Variants in DLG2 observed in about 807,000 individuals in gnomAD.
DLG2 encodes discs large MAGUK scaffold protein 2.
DLG2 carries 45 observed loss-of-function variants against 132.5 expected under a neutral mutation model. The ratio of observed to expected loss-of-function variants is 0.34; its 90% CI spans 0.27 to 0.44. DLG2 has a LOEUF of 0.44. DLG2 is among the 20% of genes least tolerant of loss of function. DLG2 has a pLI of 1.00. For missense variants in DLG2, 1,045 were observed against 1,196.9 expected, an observed-to-expected ratio of 0.87 and a Z score of 1.87; for synonymous variants, 424 against 419.6, an observed-to-expected ratio of 1.01 and a Z score of -0.13.
At chr11:84,964,090 A>G (rs1429821283) in intron 6 of DLG2, among the ~76,000 whole-genome samples, 1 of 152,128 alleles carries the variant, frequency 6.6e-6, no homozygotes, top group Non-Finnish European at 1.5e-5. Flanking sequence ...AAAAATAAGA[A>G]AAAACATTAA....
rs200059104 is a variant in DLG2 at position 85,588,688 on chromosome 11, AT to A, written c.40+9968del. On this transcript the variant is annotated intron_variant, in intron 3 of 27. Transcript: ENST00000376104. The stretch of plus-strand genomic sequence containing the variant: ...AAATTCTTTATCTGGCAATTCAGAG[AT>A]TTTTTTTTATTGGTTTGAATCAATT... Among the ~76,000 whole-genome samples the A allele has an allele frequency of 9.7e-3, 1,474 of 151,338 alleles. 18 individuals are homozygous for A. Among genetic ancestry groups the A allele is most frequent in the African/African-American group, 0.03 (1,239 of 41,226 alleles).
At chr11:83,800,117 G>C (rs1178420580) in intron 17 of DLG2, among the ~76,000 whole-genome samples, 2 of 152,128 alleles carry the variant, frequency 1.3e-5, no homozygotes, top group African/African-American at 4.8e-5. Flanking sequence ...TCTCAATGCA[G>C]GCTCATTTGA....
chr11:85,478,969 A>G (rs1180491984), intron 3 of DLG2, among the ~76,000 whole-genome samples: 1 of 152,222 alleles, frequency 6.6e-6, no homozygotes, highest in Non-Finnish European at 1.5e-5. Flanking sequence ...CTTTGAGCAG[A>G]AAAACTTTGT....
chr11:84,679,732 G>A lies in DLG2; in HGVS notation c.358-145001C>T, dbSNP rs546071013. ...TCACACTTCGTCTATGAACTAGTGC[G>A]ATTGTGAGCCTTATTTTATAGATTA... is the stretch of plus-strand genomic sequence containing the variant. On this transcript the variant is annotated intron_variant, in intron 6 of 27. Coordinates refer to ENST00000376104, the MANE Select transcript of DLG2 (RefSeq NM_001142699.3). Among the ~76,000 whole-genome samples, 17 of 152,194 alleles carry A rather than the reference G, an allele frequency of 1.1e-4. 1 individual carries two copies. The South Asian group carries it at 2.3e-3, about 20-fold the overall frequency.
chr11:83,755,815 GA>G (rs1208601366), intron 18 of DLG2, among the ~76,000 whole-genome samples: 11 of 151,346 alleles, frequency 7.3e-5, no homozygotes, highest in Admixed American at 6.6e-4. Flanking sequence ...AAGGTTAAGA[GA>G]ATACAGATAT....
At chr11:83,938,648 T>C (rs2082012962) in intron 14 of DLG2, among the ~76,000 whole-genome samples, 2 of 152,192 alleles carry the variant, frequency 1.3e-5, no homozygotes, top group Admixed American at 1.3e-4. Flanking sequence ...ATTCATTCAT[T>C]CCACAAATAT....
intron 6 of DLG2, among the ~76,000 whole-genome samples, chr11:84,749,330 G>C (rs1424452934): frequency 6.6e-6 from 1 of 152,060 alleles, no homozygotes. Context: ...CTGACATCTA[G>C]AACCTCTATA....
At chr11:84,835,658 C>T (rs2079657685) in intron 6 of DLG2, among the ~76,000 whole-genome samples, 1 of 151,692 alleles carries the variant, frequency 6.6e-6, no homozygotes, top group South Asian at 2.1e-4. Context: ...ATACAGCTGG[C>T]TGTACTGGCT....
At chr11:85,432,532 G>C (rs1283065722) in intron 3 of DLG2, among the ~76,000 whole-genome samples, 5 of 151,678 alleles carry the variant, frequency 3.3e-5, no homozygotes, top group Non-Finnish European at 5.9e-5. Flanking sequence ...AGAACTTCAA[G>C]AAAAAATACA....
intron 4 of DLG2, among the ~76,000 whole-genome samples, chr11:85,176,536 T>C (rs1405734154): frequency 6.6e-6 from 1 of 152,104 alleles, no homozygotes; most frequent in Non-Finnish European, 1.5e-5. Context: ...ATAGTACCAT[T>C]TAGGACATAG....
intron 4 of DLG2, among the ~76,000 whole-genome samples, chr11:85,240,421 A>T (rs1457398237): frequency 1.3e-5 from 2 of 151,800 alleles, no homozygotes; most frequent in Admixed American, 1.3e-4. Flanking sequence ...AAAAGCTCTT[A>T]TGTTTTAAAG....
At chr11:85,336,810 ATTAG>A (rs1274668159) in intron 3 of DLG2, among the ~76,000 whole-genome samples, 1 of 152,302 alleles carries the variant, frequency 6.6e-6, no homozygotes, top group African/African-American at 2.4e-5. Flanking sequence ...CTTTCACTTC[ATTAG>A]TATTCTTTTA....
intron 15 of DLG2, among the ~76,000 whole-genome samples, chr11:83,885,285 AACT>A (rs1384590265): frequency 6.6e-6 from 1 of 152,262 alleles, no homozygotes; most frequent in Admixed American, 6.5e-5. Context: ...AAGGCTCGAG[AACT>A]ACGTGAAGAA....
chr11:84,398,994 T>C (rs2098820236), intron 7 of DLG2, among the ~76,000 whole-genome samples: 1 of 152,238 alleles, frequency 6.6e-6, no homozygotes, highest in Non-Finnish European at 1.5e-5. Flanking sequence ...CTTTATATTT[T>C]CACTTTTTAG....
chr11:84,474,920 A>G (rs538833648), intron 7 of DLG2, among the ~76,000 whole-genome samples: 7 of 152,180 alleles, frequency 4.6e-5, no homozygotes, highest in African/African-American at 1.7e-4. Context: ...TCTAACTCTT[A>G]CCTCCTTTGT....
chr11:84,990,795 A>C (rs2057014757), intron 6 of DLG2, among the ~76,000 whole-genome samples: 1 of 152,120 alleles, frequency 6.6e-6, no homozygotes, highest in Non-Finnish European at 1.5e-5. Context: ...TGAAGAACTA[A>C]AGTTTTAGTT....
At chr11:83,526,649 T>C (rs1404765634) in intron 21 of DLG2, among the ~76,000 whole-genome samples, 3 of 152,184 alleles carry the variant, frequency 2.0e-5, no homozygotes, top group Admixed American at 6.5e-5. Context: ...CAGGATAAAG[T>C]ATAAGTTTCC....
intron 16 of DLG2, among the ~76,000 whole-genome samples, chr11:83,854,160 T>A (rs2060172744): frequency 6.6e-6 from 1 of 152,036 alleles, no homozygotes; most frequent in Admixed American, 6.6e-5. Flanking sequence ...TACTTAGTTA[T>A]AAAGCTAACA....
chr11:84,683,079 T>TGG (rs1356581006), intron 6 of DLG2, among the ~76,000 whole-genome samples: 1 of 152,184 alleles, frequency 6.6e-6, no homozygotes, highest in African/African-American at 2.4e-5. Flanking sequence ...TTAAATATAC[T>TGG]GGTCTGAATG....
Sources: allele counts gnomAD v4.1 joint callset (sites outside exome capture counted in the v4.1 genomes callset), GRCh38; gene constraint gnomAD v4.1.1; transcripts MANE v1.5; gene names NCBI Gene and HGNC (gene_info 2026-07-23, HGNC 2026-07-21).